Variants in AIM2 observed in about 807,000 individuals in gnomAD.
AIM2 encodes absent in melanoma 2.
A neutral mutation model predicts 27.7 loss-of-function variants in AIM2; 30 were observed. The ratio of observed to expected loss-of-function variants is 1.08; its 90% CI spans 0.81 to 1.47. The LOEUF is 1.47. Ranked by LOEUF, AIM2 falls within the 40% of genes most tolerant of loss-of-function variation. The pLI is 0.00. For missense variants in AIM2, 358 were observed against 411.3 expected (o/e 0.87, Z 1.12); for synonymous variants, 141 against 145.3 (o/e 0.97, Z 0.21).
intron 1 of AIM2, among the ~76,000 whole-genome samples, chr1:159,093,477 C>A (rs1198650266): frequency 1.3e-5 from 2 of 152,142 alleles, no homozygotes; most frequent in African/African-American, 4.8e-5. Context: ...ACACATACAT[C>A]TTATGACACA....
At chr1:159,063,765 A>C (rs1655956918) in intron 4 of AIM2, 91 bp from the exon 5 acceptor site, 1 of 1,302,442 alleles carries the variant, frequency 7.7e-7, no homozygotes, top group African/African-American at 1.5e-5. Context: ...GAAGGCTCTA[A>C]AAAGAAATCA....
intron 1 of AIM2, among the ~76,000 whole-genome samples, chr1:159,125,899 GATTAGAA>G (rs1647673434): frequency 6.6e-6 from 1 of 152,134 alleles, no homozygotes; most frequent in African/African-American, 2.4e-5. Context: ...GTGGACAAGA[GATTAGAA>G]AACATGCAGT....
At chr1:159,059,914 A>G (rs1003982106), downstream of AIM2, among the ~76,000 whole-genome samples, 1 of 152,148 alleles carries the variant, frequency 6.6e-6, no homozygotes, top group East Asian at 1.9e-4. Flanking sequence ...GAGCTTCTCC[A>G]TGGGACTCAA....
At chr1:159,088,960 A>G (rs1422270888) in intron 1 of AIM2, among the ~76,000 whole-genome samples, 1 of 152,222 alleles carries the variant, frequency 6.6e-6, no homozygotes, top group African/African-American at 2.4e-5. Flanking sequence ...ATGGACTGAA[A>G]CAATGACTAA....
At chr1:159,056,717 CAAAAAAAAAAAAAA>C in the AIM2 span, among the ~76,000 whole-genome samples, 465 of 44,252 alleles carry the variant, frequency 0.011, 11 homozygotes, top group African/African-American at 0.033. Context: ...GCCCAACCGG[CAAAAAAAAAAAAAA>C]AAAAAAAAAA....
chr1:159,106,847 C>T (rs779574164), intron 1 of AIM2, among the ~76,000 whole-genome samples: 3 of 152,202 alleles, frequency 2.0e-5, no homozygotes, highest in African/African-American at 7.2e-5. Context: ...TCCTCATCAA[C>T]TAAATAGAGA....
At chr1:159,104,257 G>T (rs555670001) in intron 1 of AIM2, among the ~76,000 whole-genome samples, 1 of 152,222 alleles carries the variant, frequency 6.6e-6, no homozygotes, top group South Asian at 2.1e-4. Flanking sequence ...CCCTGATATT[G>T]AAACAATATG....
intron 1 of AIM2, among the ~76,000 whole-genome samples, chr1:159,091,429 G>C (rs989845986): frequency 3.9e-5 from 6 of 152,172 alleles, no homozygotes; most frequent in African/African-American, 1.4e-4. Flanking sequence ...TCTAGGCTGG[G>C]TCCCTTTTGA....
chr1:159,138,475 AG>A (rs1471839700), intron 1 of AIM2, among the ~76,000 whole-genome samples: 1 of 152,130 alleles, frequency 6.6e-6, no homozygotes, highest in African/African-American at 2.4e-5. Context: ...ATTCCTCCAT[AG>A]TACATATCAC....
intron 1 of AIM2, among the ~76,000 whole-genome samples, chr1:159,084,500 G>A (rs1656854814): frequency 6.6e-6 from 1 of 152,096 alleles, no homozygotes; most frequent in Non-Finnish European, 1.5e-5. Context: ...GGCCAGGCAC[G>A]GTGGCTCATG....
intron 1 of AIM2, among the ~76,000 whole-genome samples, chr1:159,125,820 G>A (rs1413637436): frequency 6.6e-6 from 1 of 152,164 alleles, no homozygotes; most frequent in Non-Finnish European, 1.5e-5. Flanking sequence ...AAATGCAGGG[G>A]TAAGGTCGGC....
At chr1:159,064,701 G>T (rs886333838) in intron 4 of AIM2, among the ~76,000 whole-genome samples, 3 of 152,202 alleles carry the variant, frequency 2.0e-5, no homozygotes, top group African/African-American at 7.2e-5. Flanking sequence ...CTCAACTCAG[G>T]TGATCCATGC....
At chr1:159,086,958 C>A (rs1272574992) in intron 1 of AIM2, among the ~76,000 whole-genome samples, 1 of 152,160 alleles carries the variant, frequency 6.6e-6, no homozygotes, top group African/African-American at 2.4e-5. Context: ...TCCTTAGGGG[C>A]AGAAACTGAA....
At chr1:159,089,078 G>A (rs1364413131) in intron 1 of AIM2, among the ~76,000 whole-genome samples, 1 of 152,086 alleles carries the variant, frequency 6.6e-6, no homozygotes, top group East Asian at 1.9e-4. Context: ...AGAAAACACT[G>A]ACGAATTTCT....
chr1:159,058,535 G>T (rs1338336325), downstream of AIM2, among the ~76,000 whole-genome samples: 5 of 151,968 alleles, frequency 3.3e-5, no homozygotes, highest in Non-Finnish European at 7.4e-5. Context: ...CTGGAAAAAG[G>T]AAGTAAAAGG....
At chr1:159,077,945 T>C (rs1386887094), upstream of AIM2, among the ~76,000 whole-genome samples, 1 of 152,154 alleles carries the variant, frequency 6.6e-6, no homozygotes, top group Non-Finnish European at 1.5e-5. Flanking sequence ...GATTTAATAA[T>C]CACAATAGGA....
chr1:159,056,051 T>G, the AIM2 span, among the ~76,000 whole-genome samples: 1 of 152,190 alleles, frequency 6.6e-6, no homozygotes, highest in African/African-American at 2.4e-5. Context: ...CTACTACTGT[T>G]GCAGGAATTT....
intron 1 of AIM2, among the ~76,000 whole-genome samples, chr1:159,135,026 TC>T (rs1230724374): frequency 6.6e-6 from 1 of 152,216 alleles, no homozygotes; most frequent in Non-Finnish European, 1.5e-5. Flanking sequence ...AGGTCAACTC[TC>T]CCAGCCACAG....
At chr1:159,079,387 T>C (rs373095615), upstream of AIM2, among the ~76,000 whole-genome samples, 165 of 152,024 alleles carry the variant, frequency 1.1e-3, no homozygotes, top group African/African-American at 3.8e-3. Flanking sequence ...AAATAAGAAA[T>C]ATACAGGTTT....
Sources: allele counts gnomAD v4.1 joint callset (sites outside exome capture counted in the v4.1 genomes callset), GRCh38; gene constraint gnomAD v4.1.1; transcripts MANE v1.5; gene names NCBI Gene and HGNC (gene_info 2026-07-23, HGNC 2026-07-21).